Variants in LYRM4 observed in about 807,000 individuals in gnomAD.
LYRM4 encodes LYR motif containing 4, also known as LYR motif-containing protein 4.
LYRM4 carries 9 observed loss-of-function variants against 11.7 expected under a neutral mutation model. The observed-to-expected ratio is 0.77, with a 90% CI of 0.46 to 1.34. The LOEUF is 1.34. LYRM4 is among the 40% of genes most tolerant of loss of function. The pLI is 0.00. For missense variants in LYRM4, 133 were observed against 112.5 expected, an observed-to-expected ratio of 1.18 and a Z score of -0.82; for synonymous variants, 42 against 40.4, an observed-to-expected ratio of 1.04 and a Z score of -0.15.
At chr6:5,248,490 C>T (rs114033320) in intron 1 of LYRM4, among the ~76,000 whole-genome samples, 3,021 of 152,374 alleles carry the variant, frequency 0.02, 90 homozygotes, top group African/African-American at 0.069. Flanking sequence ...ACAAAGCTCT[C>T]TGTGATTAGT....
intron 1 of LYRM4, among the ~76,000 whole-genome samples, chr6:5,258,709 T>G (rs1764795149): frequency 6.6e-6 from 1 of 152,216 alleles, no homozygotes; most frequent in Non-Finnish European, 1.5e-5. Flanking sequence ...ATTATCAGAT[T>G]CCTTTGGATA....
chr6:5,149,736 C>T (rs1757983159), intron 2 of LYRM4, among the ~76,000 whole-genome samples: 1 of 152,010 alleles, frequency 6.6e-6, no homozygotes, highest in Non-Finnish European at 1.5e-5. Flanking sequence ...AAATCTGGAC[C>T]AAATTATATA....
intron 2 of LYRM4, among the ~76,000 whole-genome samples, chr6:5,149,030 T>A (rs1258503146): frequency 6.6e-6 from 1 of 152,200 alleles, no homozygotes; most frequent in Non-Finnish European, 1.5e-5. Context: ...TTAATTATTA[T>A]ATTTTTAGGA....
the LYRM4 span, chr6:5,066,443 TG>T: frequency 1.3e-6 from 1 of 755,986 alleles, no homozygotes; most frequent in Middle Eastern, 2.4e-4. Flanking sequence ...TCCAAGGAAC[TG>T]CTTCTATTCC....
At chr6:5,179,256 A>G (rs1325815254) in intron 2 of LYRM4, among the ~76,000 whole-genome samples, 3 of 152,202 alleles carry the variant, frequency 2.0e-5, no homozygotes, top group Non-Finnish European at 4.4e-5. Context: ...AATTATTCGT[A>G]GCAAAATTTA....
chr6:5,165,156 A>T (rs1202770378), intron 2 of LYRM4, among the ~76,000 whole-genome samples: 2 of 152,200 alleles, frequency 1.3e-5, no homozygotes, highest in Non-Finnish European at 2.9e-5. Context: ...ACTAGTTGAG[A>T]AAATGGAGAA....
At chr6:5,231,588 C>T (rs1763245448) in intron 1 of LYRM4, among the ~76,000 whole-genome samples, 1 of 152,192 alleles carries the variant, frequency 6.6e-6, no homozygotes, top group Non-Finnish European at 1.5e-5. Flanking sequence ...GTAACCCTTT[C>T]TCCCTTTGGA....
intron 2 of LYRM4, among the ~76,000 whole-genome samples, chr6:5,118,334 C>T (rs1269619911): frequency 1.3e-5 from 2 of 152,038 alleles, no homozygotes; most frequent in African/African-American, 4.8e-5. Context: ...CCAGGCCGGT[C>T]GCAAACTCCT....
At chr6:5,118,138 T>C (rs1158272937) in intron 2 of LYRM4, among the ~76,000 whole-genome samples, 3 of 147,962 alleles carry the variant, frequency 2.0e-5, no homozygotes, top group African/African-American at 7.6e-5. Flanking sequence ...AGACAGAGTC[T>C]CACTCTGTCA....
At chr6:5,140,474 C>T (rs757698920) in intron 2 of LYRM4, among the ~76,000 whole-genome samples, 3 of 152,150 alleles carry the variant, frequency 2.0e-5, no homozygotes, top group African/African-American at 7.2e-5. Context: ...TTCCAAAGTA[C>T]ATAAGGCTGT....
chr6:5,142,308 A>G (rs1366575820), intron 2 of LYRM4, among the ~76,000 whole-genome samples: 4 of 152,160 alleles, frequency 2.6e-5, no homozygotes, highest in Non-Finnish European at 5.9e-5. Context: ...CAGTGAGGCC[A>G]TATGTGCTAT....
At chr6:5,258,116 A>G (rs1436503069) in intron 1 of LYRM4, among the ~76,000 whole-genome samples, 1 of 152,210 alleles carries the variant, frequency 6.6e-6, no homozygotes, top group Non-Finnish European at 1.5e-5. Context: ...GACGTGGCAC[A>G]TTTAGGAAAC....
intron 2 of LYRM4, among the ~76,000 whole-genome samples, chr6:5,179,497 G>A (rs1485768264): frequency 6.6e-6 from 1 of 152,098 alleles, no homozygotes; most frequent in African/African-American, 2.4e-5. Context: ...GACTTTAGTA[G>A]CTCATATAAT....
At chr6:5,190,330 T>C (rs1051753319) in intron 2 of LYRM4, among the ~76,000 whole-genome samples, 6 of 152,130 alleles carry the variant, frequency 3.9e-5, no homozygotes, top group African/African-American at 1.4e-4. Flanking sequence ...TATAGATAGA[T>C]GGATGGATGT....
At chr6:5,084,461 G>A in the LYRM4 span, 1 of 152,086 alleles carries the variant, frequency 6.6e-6, no homozygotes, top group Non-Finnish European at 1.5e-5. Context: ...GTGCCGCGTG[G>A]GCGCCGGCCC....
intron 1 of LYRM4, among the ~76,000 whole-genome samples, chr6:5,224,527 C>T (rs1175650877): frequency 6.6e-6 from 1 of 152,134 alleles, no homozygotes; most frequent in Admixed American, 6.5e-5. Context: ...GGGATCTATC[C>T]TACAGAAATA....
chr6:5,080,149 A>G, the LYRM4 span, among the ~76,000 whole-genome samples: 1 of 152,212 alleles, frequency 6.6e-6, no homozygotes, highest in East Asian at 1.9e-4. Context: ...ATGTGGCACT[A>G]CTATATGAAT....
At chr6:5,154,031 G>A (rs1469921119) in intron 2 of LYRM4, among the ~76,000 whole-genome samples, 1 of 152,046 alleles carries the variant, frequency 6.6e-6, no homozygotes, top group Admixed American at 6.6e-5. Flanking sequence ...TATCATAAAA[G>A]CTACGGAAAC....
At chr6:5,057,664 G>A in the LYRM4 span, among the ~76,000 whole-genome samples, 7 of 149,912 alleles carry the variant, frequency 4.7e-5, no homozygotes, top group South Asian at 2.1e-4. Flanking sequence ...GTAGTGACCC[G>A]AGATCGCACC....
Sources: allele counts gnomAD v4.1 joint callset (sites outside exome capture counted in the v4.1 genomes callset), GRCh38; gene constraint gnomAD v4.1.1; transcripts MANE v1.5; gene names NCBI Gene and HGNC (gene_info 2026-07-23, HGNC 2026-07-21).